CATSPERT: variants seen among roughly 807,000 people sequenced by gnomAD.
CATSPERT encodes catsper channel auxiliary subunit tau.
At chr2:201,528,803 G>C in the CATSPERT span, among the ~76,000 whole-genome samples, 2 of 152,036 alleles carry the variant, frequency 1.3e-5, no homozygotes, top group Non-Finnish European at 2.9e-5. Context: ...CTACCTATTG[G>C]ATACAATATT....
the CATSPERT span, among the ~76,000 whole-genome samples, chr2:201,520,300 A>G: frequency 2.0e-5 from 3 of 152,208 alleles, no homozygotes; most frequent in Admixed American, 2.0e-4. Flanking sequence ...GATTTAAACT[A>G]CATCATAGAC....
the CATSPERT span, among the ~76,000 whole-genome samples, chr2:201,603,834 A>G: frequency 6.6e-6 from 1 of 152,232 alleles, no homozygotes; most frequent in Non-Finnish European, 1.5e-5. Flanking sequence ...TCTGAATCCT[A>G]ATATGAGAAT....
the CATSPERT span, chr2:201,493,676 T>C: frequency 3.3e-6 from 5 of 1,537,242 alleles, no homozygotes; most frequent in South Asian, 4.8e-5. Context: ...TCCAAGTTCA[T>C]TGGTGTTTCA....
the CATSPERT span, among the ~76,000 whole-genome samples, chr2:201,598,554 T>C: frequency 3.9e-5 from 6 of 152,238 alleles, no homozygotes; most frequent in East Asian, 1.2e-3. Context: ...GCACATCTTT[T>C]ATTTGCAAAC....
the CATSPERT span, among the ~76,000 whole-genome samples, chr2:201,617,722 C>G: frequency 2.6e-5 from 4 of 152,248 alleles, no homozygotes; most frequent in African/African-American, 7.2e-5. Context: ...TCTAGTTAAA[C>G]TAAAGAGCTT....
the CATSPERT span, among the ~76,000 whole-genome samples, chr2:201,595,925 AC>A: frequency 1.7e-4 from 1 of 5,794 alleles, no homozygotes; most frequent in African/African-American, 2.5e-4. Flanking sequence ...AAAAAAAAAA[AC>A]AGATGCTGAC....
chr2:201,575,205 T>C, the CATSPERT span: 1 of 1,210,150 alleles, frequency 8.3e-7, no homozygotes, highest in Non-Finnish European at 1.1e-6. Flanking sequence ...ACAAATAATA[T>C]CAGAGTAAAG....
chr2:201,529,823 T>C, the CATSPERT span, among the ~76,000 whole-genome samples: 1 of 151,884 alleles, frequency 6.6e-6, no homozygotes, highest in Non-Finnish European at 1.5e-5. Flanking sequence ...AGACAAAACA[T>C]GAACTGGAAG....
chr2:201,563,335 C>T, the CATSPERT span, among the ~76,000 whole-genome samples: 2 of 138,812 alleles, frequency 1.4e-5, no homozygotes, highest in Non-Finnish European at 3.2e-5. Flanking sequence ...CCCCACCTCC[C>T]TCCCGGACTG....
the CATSPERT span, among the ~76,000 whole-genome samples, chr2:201,544,591 A>G: frequency 6.6e-6 from 1 of 152,020 alleles, no homozygotes; most frequent in African/African-American, 2.4e-5. Context: ...ACTCCTCTAC[A>G]TAAAAGAGAC....
the CATSPERT span, among the ~76,000 whole-genome samples, chr2:201,565,299 C>T: frequency 1.9e-4 from 7 of 35,928 alleles, no homozygotes; most frequent in Admixed American, 4.5e-4. Context: ...AGCAAGGCCT[C>T]GTCTCAAAAA....
the CATSPERT span, among the ~76,000 whole-genome samples, chr2:201,613,083 T>C: frequency 1.3e-5 from 2 of 152,178 alleles, no homozygotes; most frequent in East Asian, 1.9e-4. Flanking sequence ...CCACCTCAGC[T>C]CAAGGAGGCC....
At chr2:201,526,606 G>A in the CATSPERT span, among the ~76,000 whole-genome samples, 1 of 152,170 alleles carries the variant, frequency 6.6e-6, no homozygotes, top group African/African-American at 2.4e-5. Flanking sequence ...TGGGATGCAA[G>A]GTTGGTTCAA....
the CATSPERT span, among the ~76,000 whole-genome samples, chr2:201,590,801 T>C: frequency 2.0e-5 from 3 of 152,052 alleles, no homozygotes; most frequent in East Asian, 3.9e-4. Flanking sequence ...GAAGTGTCTG[T>C]TCATGTCCTT....
the CATSPERT span, among the ~76,000 whole-genome samples, chr2:201,569,420 A>C: frequency 1.2e-4 from 18 of 152,264 alleles, no homozygotes; most frequent in African/African-American, 4.1e-4. Flanking sequence ...TACTAGCAAG[A>C]CTATTCTGAT....
the CATSPERT span, among the ~76,000 whole-genome samples, chr2:201,540,821 A>G: frequency 9.2e-5 from 14 of 152,204 alleles, no homozygotes; most frequent in Non-Finnish European, 1.6e-4. Flanking sequence ...GTAAGGCTTT[A>G]GCTGCCTTAG....
chr2:201,534,626 G>A, the CATSPERT span: 17 of 984,254 alleles, frequency 1.7e-5, no homozygotes, highest in Non-Finnish European at 1.9e-5. Flanking sequence ...AAAAAAAAGT[G>A]TTAATCATTA....
chr2:201,515,684 A>AT, the CATSPERT span, among the ~76,000 whole-genome samples: 1 of 152,324 alleles, frequency 6.6e-6, no homozygotes, highest in African/African-American at 2.4e-5. Context: ...CATGTGCCAT[A>AT]TAAAGACCTT....
At chr2:201,552,513 G>A in the CATSPERT span, among the ~76,000 whole-genome samples, 2 of 152,194 alleles carry the variant, frequency 1.3e-5, no homozygotes, top group African/African-American at 4.8e-5. Flanking sequence ...AATTCATGAA[G>A]CCATTGCTGA....
Sources: allele counts gnomAD v4.1 joint callset (sites outside exome capture counted in the v4.1 genomes callset), GRCh38; gene constraint gnomAD v4.1.1; transcripts MANE v1.5; gene names NCBI Gene and HGNC (gene_info 2026-07-23, HGNC 2026-07-21).